Variants in COL4A4 observed in about 807,000 individuals in gnomAD.
The protein encoded by COL4A4 is collagen alpha-4(IV) chain.
A neutral mutation model predicts 192.9 loss-of-function variants in COL4A4; 105 were observed. That is an observed-to-expected ratio of 0.54 (90% CI 0.46 to 0.64). The LOEUF (loss-of-function observed/expected upper bound fraction) is 0.64. Among genes scored for constraint, COL4A4 ranks in the 30% least tolerant of loss-of-function variants. The probability of loss-of-function intolerance (pLI) is 0.00; values close to 1 mark genes in which losing one functional copy is unlikely to be tolerated. For missense variants in COL4A4, 1,967 were observed against 2,169.3 expected (o/e 0.91, Z 1.85); for synonymous variants, 762 against 769.9 (o/e 0.99, Z 0.17).
Position 227,059,503 on chromosome 2 carries a change from G to C in COL4A4, c.2285C>G (p.Pro762Arg), listed in dbSNP as rs1976345442. 1.2e-6 allele frequency: 2 copies of C among 1,614,112 alleles called. No individual in the cohort carries two copies. Among genetic ancestry groups the C allele is most frequent in the Non-Finnish European group, 1.7e-6 (2 of 1,180,002 alleles). The change falls in exon 28 of 48, where the codon CCT becomes CGT. Residue 762 changes from proline (P) to arginine (R), a missense_variant. Coordinates refer to ENST00000396625, the MANE Select transcript of COL4A4 (RefSeq NM_000092.5). Reference protein sequence around the residue: ...VNGQKGIPGDPAFGHLGPPGK... With the variant: ...VNGQKGIPGDRAFGHLGPPGK... The stretch of plus-strand genomic sequence containing the variant: ...CGGGGGTCCCAGGTGACCAAATGCA[G>C]GGTCTCCCGGGATTCCTTTCTGACC...
At chr2:227,099,881 G>A (rs1576495474) in intron 17 of COL4A4, among the ~76,000 whole-genome samples, 192 bp from the exon 18 acceptor site, 1 of 152,168 alleles carries the variant, frequency 6.6e-6, no homozygotes, top group Non-Finnish European at 1.5e-5. Flanking sequence ...TCTACAAGTA[G>A]TGGAAGTAAA....
At chr2:226,975,366 A>G in the COL4A4 span, among the ~76,000 whole-genome samples, 131 of 152,308 alleles carry the variant, frequency 8.6e-4, no homozygotes, top group Middle Eastern at 3.4e-3. Flanking sequence ...TTATTTGTCA[A>G]TTAGACCTCA....
Position 227,005,571 on chromosome 2 carries a change from C to A in COL4A4, c.*1754G>T, listed in dbSNP as rs1227033978. 1 of 152,152 alleles carries A rather than the reference C, an allele frequency of 6.6e-6. No individual in the cohort carries two copies. Among genetic ancestry groups the A allele is most frequent in the African/African-American group, 2.4e-5 (1 of 41,438 alleles). The allele number at this position is 152,152 out of a possible 1,614,324, so 9.4% of individuals were successfully genotyped here. ...CAAGAAAATATTTCATCTTAAAATACACATTTTTCTTTTTACCAGAAAATA... is the reference window on the plus strand; with the variant it reads ...CAAGAAAATATTTCATCTTAAAATAAACATTTTTCTTTTTACCAGAAAATA... On this transcript the variant is annotated 3_prime_UTR_variant, in exon 48 of 48. Transcript: ENST00000396625.
chr2:226,971,162 GC>G, the COL4A4 span, among the ~76,000 whole-genome samples: 2 of 152,208 alleles, frequency 1.3e-5, no homozygotes, highest in African/African-American at 4.8e-5. Flanking sequence ...CTCCCTGAGT[GC>G]TGTCCCTACA....
chr2:227,017,350 T>A (rs1377926358), intron 44 of COL4A4, among the ~76,000 whole-genome samples: 1 of 152,234 alleles, frequency 6.6e-6, no homozygotes, highest in Non-Finnish European at 1.5e-5. Context: ...AGCTCTATGT[T>A]CAGAGCTTTC....
rs1481294022 is a variant in COL4A4, at chr2:227,008,140, CAT to C, written c.4685_4686del (p.Tyr1562CysfsTer71). ...MPLSEEAIRP[Y>X]VSRCAVCEAP... Reference sequence around the variant, plus strand: ...GCCTCGCATACCGCACAGCGGCTGACATAGGGGCGGATCGCCTCTTCAGAGAG... The same window carrying C: ...GCCTCGCATACCGCACAGCGGCTGACAGGGGCGGATCGCCTCTTCAGAGAG... On this transcript the variant is annotated frameshift_variant, in exon 47 of 48. Coordinates refer to ENST00000396625, the MANE Select transcript of COL4A4 (RefSeq NM_000092.5). LOFTEE classifies it high-confidence loss of function. The C allele has an allele frequency of 6.2e-7, 1 of 1,613,998 alleles. No individual in the cohort carries two copies. Among genetic ancestry groups the C allele is most frequent in the Non-Finnish European group, 8.5e-7 (1 of 1,179,910 alleles).
intron 19 of COL4A4, among the ~76,000 whole-genome samples, chr2:227,097,706 G>A (rs1446079090): frequency 6.6e-6 from 1 of 152,178 alleles, no homozygotes; most frequent in Non-Finnish European, 1.5e-5. Flanking sequence ...GTTAGGCCAA[G>A]GCTGTGCTAT....
At chr2:227,061,959 G>C (rs1977164524) in intron 26 of COL4A4, among the ~76,000 whole-genome samples, 1 of 152,186 alleles carries the variant, frequency 6.6e-6, no homozygotes, top group Non-Finnish European at 1.5e-5. Context: ...AAACTTTCAG[G>C]CTGGGTGCGG....
In COL4A4 at chr2:227,047,479, A is replaced by C. The variant is rs908532580; in HGVS notation, c.3285T>G (p.Cys1095Trp). The C allele has an allele frequency of 3.7e-6, 6 of 1,612,854 alleles. No homozygotes were observed. The highest frequency in any genetic ancestry group is 4.5e-5 in the East Asian group (2 of 44,868). Residue 1095 changes from cysteine to tryptophan, a missense_variant, in exon 35 of 48, where the codon TGT (cysteine) becomes TGG (tryptophan). Coordinates refer to ENST00000396625, the MANE Select transcript of COL4A4 (RefSeq NM_000092.5). The stretch of plus-strand genomic sequence containing the variant: ...AAGAAAAATATGCAGCTATACCTGG[A>C]CATCCAGGGCTACCTGGCTCACCCT... ...GPKGEPGSPG[C>W]PGHFGASGEQ...
the COL4A4 span, chr2:226,995,733 G>A: frequency 1.2e-5 from 7 of 573,630 alleles, no homozygotes; most frequent in Non-Finnish European, 2.2e-5. Context: ...CCTTGTTCTT[G>A]CTCATAAACA....
chr2:227,014,892 CTTTTTTTTTTT>C (rs1179125792), intron 44 of COL4A4, among the ~76,000 whole-genome samples: 1 of 106,586 alleles, frequency 9.4e-6, no homozygotes, highest in African/African-American at 3.8e-5. Context: ...CCATGCCTGG[CTTTTTTTTTTT>C]TTTTTTTTTT....
intron 17 of COL4A4, 83 bp downstream of exon 17, chr2:227,101,421 T>C: frequency 9.0e-7 from 1 of 1,113,836 alleles, no homozygotes; most frequent in Middle Eastern, 2.9e-4. Flanking sequence ...GAATGATTCC[T>C]GGCAATACTT....
chr2:227,119,900 T>C lies in COL4A4; in HGVS notation c.367A>G (p.Ile123Val), dbSNP rs1420850914. ...GAAAATTTAGGGATACTTACAGGTA[T>C]GCCATCTAAACCTGGAAATCCAGGA... ...GVPGFPGLDG[I>V]PGHPGPPGPR... The change falls in exon 6 of 48, where the codon ATA (isoleucine) becomes GTA (valine). Residue 123 changes from isoleucine (I) to valine (V), a missense_variant. Ile to Val is a conservative substitution (Grantham distance 29). Coordinates refer to ENST00000396625, the MANE Select transcript of COL4A4 (RefSeq NM_000092.5). 6.3e-7 allele frequency: 1 copy of C among 1,587,266 alleles called. No individual in the cohort carries two copies. Among genetic ancestry groups the C allele is most frequent in the South Asian group, 1.2e-5 (1 of 84,988 alleles).
intron 3 of COL4A4, among the ~76,000 whole-genome samples, chr2:227,142,116 A>C (rs1216778682): frequency 7.2e-6 from 1 of 138,632 alleles, no homozygotes; most frequent in Admixed American, 7.2e-5. Context: ...AAAAAAAAAA[A>C]AACAGGAATA....
At chr2:227,081,856 G>C (rs2150520686) in intron 23 of COL4A4, among the ~76,000 whole-genome samples, 1 of 152,302 alleles carries the variant, frequency 6.6e-6, no homozygotes, top group East Asian at 1.9e-4. Flanking sequence ...CCAAAGGAGG[G>C]CTTGAGCCAA....
chr2:227,112,923 C>T (rs2061299382), intron 8 of COL4A4, among the ~76,000 whole-genome samples: 1 of 152,068 alleles, frequency 6.6e-6, no homozygotes, highest in African/African-American at 2.4e-5. Context: ...TACAGTCTTC[C>T]TTTGGATGAA....
chr2:227,016,497 G>A (rs1262423417), intron 44 of COL4A4, among the ~76,000 whole-genome samples: 1 of 152,154 alleles, frequency 6.6e-6, no homozygotes, highest in African/African-American at 2.4e-5. Flanking sequence ...TCATTTACGT[G>A]TTATCTACAG....
intron 7 of COL4A4, among the ~76,000 whole-genome samples, chr2:227,117,963 GT>G: frequency 6.6e-6 from 1 of 152,320 alleles, no homozygotes; most frequent in South Asian, 2.1e-4. Context: ...TGTGAATTAG[GT>G]TCCACCTAGG....
At chr2:227,067,279 C>A (rs2058403239) in intron 25 of COL4A4, among the ~76,000 whole-genome samples, 1 of 152,110 alleles carries the variant, frequency 6.6e-6, no homozygotes, top group African/African-American at 2.4e-5. Flanking sequence ...GAGACTTTAA[C>A]ACTCCACTGT....
Sources: gnomAD v4.1 joint callset for allele counts (sites outside exome capture counted in the v4.1 genomes callset) on GRCh38, gnomAD v4.1.1 for gene constraint, MANE v1.5 for transcripts, NCBI Gene and HGNC (gene_info 2026-07-23, HGNC 2026-07-21) for gene names.